Variants in EMCN observed in about 807,000 individuals in gnomAD.
EMCN encodes the protein MUC-14.
A neutral mutation model predicts 38.4 loss-of-function variants in EMCN; 37 were observed. The ratio of observed to expected loss-of-function variants is 0.96; its 90% CI spans 0.74 to 1.27. The LOEUF is 1.27. Among genes scored for constraint, EMCN ranks in the 50% most tolerant of loss-of-function variants. The pLI is 0.00. For missense variants in EMCN, 318 were observed against 302.8 expected (o/e 1.05, Z -0.37); for synonymous variants, 95 against 100.8 (o/e 0.94, Z 0.35).
intron 1 of EMCN, among the ~76,000 whole-genome samples, chr4:100,507,019 T>G (rs1729496592): frequency 6.6e-6 from 1 of 152,180 alleles, no homozygotes; most frequent in African/African-American, 2.4e-5. Flanking sequence ...AATATTTGTG[T>G]TTGGATTATC....
rs1424872573 is a variant in EMCN at position 100,463,525 on chromosome 4, C to A, written c.376+1898G>T. 2.0e-5 allele frequency among the ~76,000 whole-genome samples: 3 copies of A among 152,110 alleles called. No individual in the cohort carries two copies. In the East Asian group the frequency reaches 5.8e-4, roughly 29 times the overall value. On this transcript the variant is annotated intron_variant, in intron 4 of 11. Coordinates refer to ENST00000296420, the MANE Select transcript of EMCN (RefSeq NM_016242.4). ...TATGATTTACACACCATTAAATGCA[C>A]TCATTTTAAGAATACAAGTAATAAT...
chr4:100,409,242 T>TTTTATTTTATTTTTTAG (rs539806849), intron 11 of EMCN, among the ~76,000 whole-genome samples: 20 of 152,326 alleles, frequency 1.3e-4, no homozygotes, highest in African/African-American at 3.4e-4. Flanking sequence ...TTATTTTTTA[T>TTTTATTTTATTTTTTAG]TGTTAGTTGC....
At chr4:100,409,995 A>G (rs1726504683) in intron 11 of EMCN, among the ~76,000 whole-genome samples, 1 of 152,220 alleles carries the variant, frequency 6.6e-6, no homozygotes, top group South Asian at 2.1e-4. Flanking sequence ...TGACCTAGGT[A>G]GGCAGACTGA....
chr4:100,459,103 G>T (rs976378674), intron 4 of EMCN, among the ~76,000 whole-genome samples: 1 of 150,942 alleles, frequency 6.6e-6, no homozygotes, highest in South Asian at 2.1e-4. Context: ...TGAATTTGTA[G>T]GACTTCTTTT....
At chr4:100,473,339 A>G (rs1056498136) in intron 3 of EMCN, among the ~76,000 whole-genome samples, 2 of 118,342 alleles carry the variant, frequency 1.7e-5, no homozygotes, top group African/African-American at 5.9e-5. Context: ...GTTATATATA[A>G]TTCTAATGGG....
At chr4:100,424,903 G>C (rs1489903499) in intron 5 of EMCN, among the ~76,000 whole-genome samples, 3 of 151,964 alleles carry the variant, frequency 2.0e-5, no homozygotes, top group African/African-American at 4.8e-5. Flanking sequence ...CCTTCCTGTA[G>C]ACAGGCTAAA....
At chr4:100,427,933 C>T in intron 5 of EMCN, among the ~76,000 whole-genome samples, 1 of 152,092 alleles carries the variant, frequency 6.6e-6, no homozygotes, top group South Asian at 2.1e-4. Context: ...TATTCTATTC[C>T]ACACGCAATC....
At chr4:100,453,829 A>T (rs1203887072) in intron 4 of EMCN, among the ~76,000 whole-genome samples, 1 of 152,142 alleles carries the variant, frequency 6.6e-6, no homozygotes, top group African/African-American at 2.4e-5. Flanking sequence ...ACACCATGGA[A>T]TACTATGCAG....
At chr4:100,454,455 G>A (rs188526415) in intron 4 of EMCN, among the ~76,000 whole-genome samples, 1 of 152,044 alleles carries the variant, frequency 6.6e-6, no homozygotes, top group Non-Finnish European at 1.5e-5. Flanking sequence ...TATAGTGAGG[G>A]CTAATGCAAG....
chr4:100,509,977 A>T (rs1225398897), intron 1 of EMCN, among the ~76,000 whole-genome samples: 2 of 152,196 alleles, frequency 1.3e-5, no homozygotes, highest in African/African-American at 4.8e-5. Context: ...TAACACCAAT[A>T]CCATGTCAAT....
At chr4:100,400,451 C>T (rs1726226741) in intron 11 of EMCN, among the ~76,000 whole-genome samples, 1 of 151,690 alleles carries the variant, frequency 6.6e-6, no homozygotes, top group Admixed American at 6.6e-5. Flanking sequence ...GTTATCATGT[C>T]TGTCTTTACA....
At chr4:100,416,112 A>G (rs1040513062) in intron 9 of EMCN, among the ~76,000 whole-genome samples, 153 bp from the exon 10 acceptor site, 13 of 148,972 alleles carry the variant, frequency 8.7e-5, no homozygotes, top group African/African-American at 3.2e-4. Flanking sequence ...GTGTATACAT[A>G]CATATATATA....
At chr4:100,454,998 A>G (rs1578204931) in intron 4 of EMCN, among the ~76,000 whole-genome samples, 1 of 152,130 alleles carries the variant, frequency 6.6e-6, no homozygotes, top group Non-Finnish European at 1.5e-5. Context: ...CAGTTTAACA[A>G]TCTTATCTTT....
chr4:100,447,528 C>T lies in EMCN; in HGVS notation c.415+5G>A. 1 of 1,601,134 alleles carries T rather than the reference C, an allele frequency of 6.2e-7. No individual in the cohort carries two copies. The highest frequency in any genetic ancestry group is 8.5e-7 in the Non-Finnish European group (1 of 1,169,876). ...TAAGAGAGAGACAGAGAAAAAAGAGCTTACCTGGTATTTCTGTTGTTTTAA... is the reference window on the plus strand; with the variant it reads ...TAAGAGAGAGACAGAGAAAAAAGAGTTTACCTGGTATTTCTGTTGTTTTAA... On this transcript the variant is annotated splice_donor_5th_base_variant and intron_variant, in intron 5 of 11. Coordinates refer to ENST00000296420, the MANE Select transcript of EMCN (RefSeq NM_016242.4).
chr4:100,489,881 T>C (rs912152338), intron 1 of EMCN, among the ~76,000 whole-genome samples: 14 of 152,204 alleles, frequency 9.2e-5, no homozygotes, highest in Admixed American at 5.9e-4. Flanking sequence ...ACCAACCTCG[T>C]TGGATACTGA....
chr4:100,401,141 G>T (rs1726246604), intron 11 of EMCN, among the ~76,000 whole-genome samples: 1 of 152,092 alleles, frequency 6.6e-6, no homozygotes, highest in Non-Finnish European at 1.5e-5. Context: ...GGAACCCAGT[G>T]TAGAGCATTA....
chr4:100,400,102 A>C (rs1348809954), intron 11 of EMCN, among the ~76,000 whole-genome samples: 1 of 152,170 alleles, frequency 6.6e-6, no homozygotes, highest in Non-Finnish European at 1.5e-5. Flanking sequence ...CTTGTTTCCC[A>C]GCCAGAGGTC....
intron 10 of EMCN, among the ~76,000 whole-genome samples, chr4:100,413,498 T>G (rs547159515): frequency 2.0e-5 from 3 of 152,312 alleles, no homozygotes; most frequent in African/African-American, 7.2e-5. Context: ...AAAAGATATT[T>G]GAATACATTT....
Position 100,459,736 on chromosome 4 carries a change from G to A in EMCN, c.376+5687C>T, listed in dbSNP as rs989342094. Among the ~76,000 whole-genome samples, 9 of 152,088 alleles carry A rather than the reference G, an allele frequency of 5.9e-5. No homozygotes were observed. The South Asian group carries it at 6.2e-4, about 11-fold the overall frequency. On this transcript the variant is annotated intron_variant, in intron 4 of 11. Transcript: ENST00000296420. ...CATAATGACCTCTAAGTTTATCCGC[G>A]CTTTCGCAAATGACAGGTTTTCCTT...
Sources: allele counts gnomAD v4.1 joint callset (sites outside exome capture counted in the v4.1 genomes callset), GRCh38; gene constraint gnomAD v4.1.1; transcripts MANE v1.5; gene names NCBI Gene and HGNC (gene_info 2026-07-23, HGNC 2026-07-21).